The following ROBO2 variants were observed in gnomAD, a reference collection of about 807,000 sequenced individuals.
ROBO2 encodes the protein roundabout homolog 2.
In ROBO2, 53 loss-of-function variants were observed where a neutral mutation model predicts 160.8. That is an observed-to-expected ratio of 0.33 (90% confidence interval 0.26 to 0.41). The LOEUF (loss-of-function observed/expected upper bound fraction) is 0.41. ROBO2 is among the 10% of genes least tolerant of loss of function. The pLI is 1.00. For synonymous variants in ROBO2, 664 were observed against 611.7 expected (o/e 1.09, Z -1.26); for missense variants, 1,577 against 1,722.4 (o/e 0.92, Z 1.49).
intron 2 of ROBO2, among the ~76,000 whole-genome samples, chr3:77,385,752 C>A (rs944812991): frequency 6.6e-6 from 1 of 152,144 alleles, no homozygotes. Context: ...GAAGTTCCTG[C>A]CGCACAGTAA....
chr3:76,141,372 T>G (rs573278472), intron 2 of ROBO2, among the ~76,000 whole-genome samples: 75 of 150,080 alleles, frequency 5.0e-4, no homozygotes, highest in Non-Finnish European at 9.3e-4. Flanking sequence ...GAAAAAAACT[T>G]GACTCAAACC....
intron 1 of ROBO2, among the ~76,000 whole-genome samples, chr3:75,936,278 A>G (rs1418602543): frequency 2.0e-5 from 3 of 152,156 alleles, no homozygotes; most frequent in Admixed American, 2.0e-4. Flanking sequence ...GATGTAGGAG[A>G]AAGGGAGAAA....
chr3:77,176,690 A>T (rs1371228996), intron 2 of ROBO2, among the ~76,000 whole-genome samples: 2 of 152,026 alleles, frequency 1.3e-5, no homozygotes, highest in Admixed American at 6.6e-5. Flanking sequence ...AAAATATTTT[A>T]GATTAGTGAA....
intron 2 of ROBO2, among the ~76,000 whole-genome samples, chr3:76,451,172 A>T (rs1187062793): frequency 6.6e-6 from 1 of 152,156 alleles, no homozygotes; most frequent in African/African-American, 2.4e-5. Context: ...CAGGTCTGTC[A>T]TGTGGGCTAG....
chr3:76,047,417 A>G (rs2067487519), intron 2 of ROBO2, among the ~76,000 whole-genome samples: 1 of 152,154 alleles, frequency 6.6e-6, no homozygotes, highest in African/African-American at 2.4e-5. Context: ...TTGTTCTATG[A>G]AAAGACCTAA....
intron 1 of ROBO2, among the ~76,000 whole-genome samples, chr3:77,052,488 G>T (rs143771212): frequency 6.6e-6 from 1 of 152,142 alleles, no homozygotes; most frequent in African/African-American, 2.4e-5. Context: ...TGTTTTGAAG[G>T]GGGGAAAAGG....
chr3:76,747,252 G>A (rs1322682237), intron 2 of ROBO2, among the ~76,000 whole-genome samples: 1 of 152,090 alleles, frequency 6.6e-6, no homozygotes, highest in East Asian at 1.9e-4. Context: ...ACAACAAAGT[G>A]ATTTGCAGAG....
At chr3:77,232,817 C>T (rs1010370453) in intron 2 of ROBO2, among the ~76,000 whole-genome samples, 1 of 152,126 alleles carries the variant, frequency 6.6e-6, no homozygotes, top group Non-Finnish European at 1.5e-5. Flanking sequence ...TCTTCTTTGT[C>T]CTGCCCATGA....
chr3:77,605,940 T>C (rs924289412), intron 20 of ROBO2, among the ~76,000 whole-genome samples: 1 of 152,188 alleles, frequency 6.6e-6, no homozygotes, highest in Non-Finnish European at 1.5e-5. Flanking sequence ...GGAAGACAAG[T>C]AGCTCAGTCT....
At chr3:76,273,705 C>T (rs1278440312) in intron 2 of ROBO2, among the ~76,000 whole-genome samples, 1 of 152,180 alleles carries the variant, frequency 6.6e-6, no homozygotes, top group East Asian at 1.9e-4. Context: ...TGAGAACTCA[C>T]TCACGATCAT....
chr3:77,321,687 C>T (rs974318386), intron 2 of ROBO2, among the ~76,000 whole-genome samples: 1 of 151,946 alleles, frequency 6.6e-6, no homozygotes, highest in Non-Finnish European at 1.5e-5. Flanking sequence ...ATTCATGTAA[C>T]CACTACAAAA....
At chr3:76,705,122 G>A (rs892557499) in intron 2 of ROBO2, among the ~76,000 whole-genome samples, 1 of 152,018 alleles carries the variant, frequency 6.6e-6, no homozygotes, top group African/African-American at 2.4e-5. Flanking sequence ...AAATACAGGA[G>A]ACTGGATTTG....
At chr3:76,838,924 C>T (rs1460069726) in intron 2 of ROBO2, among the ~76,000 whole-genome samples, 2 of 152,080 alleles carry the variant, frequency 1.3e-5, no homozygotes, top group African/African-American at 4.8e-5. Flanking sequence ...AACTTGTAGA[C>T]AATGACTAGC....
intron 2 of ROBO2, among the ~76,000 whole-genome samples, chr3:76,166,125 A>G (rs1323951854): frequency 6.6e-6 from 1 of 152,216 alleles, no homozygotes. Flanking sequence ...TAGAGCCAAT[A>G]GACTTGTTGG....
At chr3:76,739,200 AT>A (rs1442702637) in intron 2 of ROBO2, among the ~76,000 whole-genome samples, 1 of 152,304 alleles carries the variant, frequency 6.6e-6, no homozygotes, top group African/African-American at 2.4e-5. Context: ...TTGCGGCACT[AT>A]TCACGATAGC....
chr3:77,124,626 A>G (rs1045734739), intron 2 of ROBO2, among the ~76,000 whole-genome samples: 1 of 152,130 alleles, frequency 6.6e-6, no homozygotes, highest in African/African-American at 2.4e-5. Context: ...AGGGTAGGAA[A>G]AACTTGAGGG....
intron 2 of ROBO2, among the ~76,000 whole-genome samples, chr3:76,612,375 A>G (rs990662786): frequency 2.0e-5 from 3 of 152,250 alleles, no homozygotes; most frequent in South Asian, 4.1e-4. Context: ...AGCTATTACT[A>G]TATCGGGGTC....
At chr3:77,483,208 T>A (rs1433752758) in intron 4 of ROBO2, among the ~76,000 whole-genome samples, 1 of 152,036 alleles carries the variant, frequency 6.6e-6, no homozygotes, top group Non-Finnish European at 1.5e-5. Context: ...AAGATTAAGT[T>A]GAAGGAAAAA....
At chr3:76,378,559 C>G (rs115495839) in intron 2 of ROBO2, among the ~76,000 whole-genome samples, 1 of 152,168 alleles carries the variant, frequency 6.6e-6, no homozygotes, top group Non-Finnish European at 1.5e-5. Context: ...GCACACTTCA[C>G]GTGCTCAGGC....
Sources: allele counts gnomAD v4.1 joint callset (sites outside exome capture counted in the v4.1 genomes callset), GRCh38; gene constraint gnomAD v4.1.1; transcripts MANE v1.5; gene names NCBI Gene and HGNC (gene_info 2026-07-23, HGNC 2026-07-21).